The following NR2F1-AS1 variants were observed in gnomAD, a reference collection of about 807,000 sequenced individuals.
NR2F1-AS1 encodes the protein NR2F1 antisense RNA 1.
chr5:93,470,679 C>T (rs544013121), intron 4 of NR2F1-AS1, among the ~76,000 whole-genome samples: 1 of 151,888 alleles, frequency 6.6e-6, no homozygotes, highest in African/African-American at 2.4e-5. Flanking sequence ...CTGTGTCTGA[C>T]ACTACTCATA....
chr5:93,553,109 C>T lies in NR2F1-AS1; in HGVS notation n.638+652G>A, dbSNP rs186249215. Among the ~76,000 whole-genome samples, 4 of 151,100 alleles carry T rather than the reference C, an allele frequency of 2.6e-5. No individual in the cohort carries two copies. The East Asian group carries it at 7.8e-4, about 29-fold the overall frequency. On this transcript the variant is annotated intron_variant and non_coding_transcript_variant, in intron 4 of 5. Transcript: ENST00000660523. ...GGAAGAGAATCTTTCCTGAAATTTC[C>T]TGATATCAGTAATACACTTTTTTTT...
In NR2F1-AS1 at chr5:93,579,595, C is replaced by T. The variant is rs1362244938; in HGVS notation, n.313+872G>A. On this transcript the variant is annotated intron_variant and non_coding_transcript_variant, in intron 1 of 5. Transcript: ENST00000660523. This position sits in a 1 kb window ranked among gnomAD's most constrained non-coding sequence, Gnocchi z 5.1. ...AAGGCCTCCTCGCTTCCGAGACCCCCCAGCCCCCGGGTGCAGTCCCCAGCA... is the reference window on the plus strand; with the variant it reads ...AAGGCCTCCTCGCTTCCGAGACCCCTCAGCCCCCGGGTGCAGTCCCCAGCA... 6.6e-6 allele frequency among the ~76,000 whole-genome samples: 1 copy of T among 152,124 alleles called. No homozygotes were observed. Among genetic ancestry groups the T allele is most frequent in the African/African-American group, 2.4e-5 (1 of 41,436 alleles).
rs879507931 is a variant in NR2F1-AS1, at chr5:93,521,020, T to C, written n.638+32741A>G. On this transcript the variant is annotated intron_variant and non_coding_transcript_variant, in intron 4 of 5. Transcript: ENST00000660523. ...CAACATGGTACTGGTTCAAAAAAAG[T>C]GCATAGACCAATGGAACAGAACAGA... 6.6e-5 allele frequency among the ~76,000 whole-genome samples: 10 copies of C among 152,166 alleles called. No homozygotes were observed. In the East Asian group the frequency reaches 1.9e-3, roughly 29 times the overall value.
chr5:93,444,500 C>G (rs1749649025), intron 4 of NR2F1-AS1, among the ~76,000 whole-genome samples: 1 of 152,182 alleles, frequency 6.6e-6, no homozygotes, highest in Admixed American at 6.5e-5. Context: ...GAAGCGCTAA[C>G]TATCCTAAAT....
chr5:93,424,234 C>G lies in NR2F1-AS1; in HGVS notation n.639-28692G>C, dbSNP rs952304778. On this transcript the variant is annotated intron_variant and non_coding_transcript_variant, in intron 4 of 5. Coordinates refer to ENST00000660523, the Ensembl canonical transcript of NR2F1-AS1. Reference sequence around the variant, plus strand: ...ACTTCAAAAATAATAAAGCCCAGACCCACGTCCAAATGCCTAGCACACCTG... The same window carrying G: ...ACTTCAAAAATAATAAAGCCCAGACGCACGTCCAAATGCCTAGCACACCTG... 2.6e-5 allele frequency among the ~76,000 whole-genome samples: 4 copies of G among 152,082 alleles called. No individual in the cohort carries two copies. The South Asian group carries it at 8.3e-4, about 32-fold the overall frequency.
intron 4 of NR2F1-AS1, among the ~76,000 whole-genome samples, chr5:93,501,327 T>A (rs1308122958): frequency 7.2e-6 from 1 of 138,228 alleles, no homozygotes; most frequent in Non-Finnish European, 1.5e-5. Context: ...TTTTTGTTGT[T>A]GTTGTTGTTG....
upstream of NR2F1-AS1, chr5:93,584,173 C>A (rs1174736640): frequency 6.7e-6 from 1 of 148,768 alleles, no homozygotes; most frequent in Non-Finnish European, 1.5e-5. Context: ...GGCGGCGCCG[C>A]GGGCGGCCCC....
intron 4 of NR2F1-AS1, among the ~76,000 whole-genome samples, chr5:93,529,951 C>T (rs1006718169): frequency 2.0e-5 from 3 of 151,636 alleles, no homozygotes; most frequent in Non-Finnish European, 2.9e-5. Flanking sequence ...ATGGCTCAAA[C>T]ATGTTGAATG....
chr5:93,451,318 T>C (rs1205305182), intron 4 of NR2F1-AS1, among the ~76,000 whole-genome samples: 1 of 143,546 alleles, frequency 7.0e-6, no homozygotes, highest in African/African-American at 2.8e-5. Flanking sequence ...AGTAGGGTTT[T>C]TGAAAAAAAA....
chr5:93,426,344 G>A (rs981750484), intron 4 of NR2F1-AS1, among the ~76,000 whole-genome samples: 5 of 151,994 alleles, frequency 3.3e-5, no homozygotes, highest in South Asian at 2.1e-4. Context: ...CACCATGCCC[G>A]GCCCACCTCA....
chr5:93,526,841 G>T (rs1282442058), intron 4 of NR2F1-AS1, among the ~76,000 whole-genome samples: 1 of 152,070 alleles, frequency 6.6e-6, no homozygotes, highest in African/African-American at 2.4e-5. Context: ...TTGATGGAAC[G>T]TATCTCAAAA....
chr5:93,456,070 A>G (rs1374607511), intron 4 of NR2F1-AS1, among the ~76,000 whole-genome samples: 1 of 152,216 alleles, frequency 6.6e-6, no homozygotes, highest in Non-Finnish European at 1.5e-5. Context: ...TCAACATTGT[A>G]CTGGAAATCC....
chr5:93,429,387 C>T (rs542890282), intron 4 of NR2F1-AS1, among the ~76,000 whole-genome samples: 1 of 152,246 alleles, frequency 6.6e-6, no homozygotes, highest in East Asian at 1.9e-4. Flanking sequence ...TTGTTCACTG[C>T]CATATTTGCA....
At position 93,527,111 on chromosome 5, in the gene NR2F1-AS1, C is replaced by T. The variant is rs1751634850; in HGVS notation, n.638+26650G>A. ...ATTTAGAAAACCTCATCATCTCAGC[C>T]CAAAATTCCCTTAAGCTGATAAGCA... On this transcript the variant is annotated intron_variant and non_coding_transcript_variant, in intron 4 of 5. Coordinates refer to ENST00000660523, the Ensembl canonical transcript of NR2F1-AS1. Among the ~76,000 whole-genome samples the T allele has an allele frequency of 3.3e-5, 5 of 152,234 alleles. No homozygotes were observed. In the South Asian group the frequency reaches 1.0e-3, roughly 32 times the overall value.
chr5:93,444,676 A>G (rs558008164), intron 4 of NR2F1-AS1, among the ~76,000 whole-genome samples: 5 of 152,326 alleles, frequency 3.3e-5, no homozygotes, highest in African/African-American at 1.2e-4. Flanking sequence ...CCAGGAATTG[A>G]ACTCAGCTCT....
rs1750582020 is a variant in NR2F1-AS1, at chr5:93,480,699, G to T, written n.638+73062C>A. 2.0e-5 allele frequency among the ~76,000 whole-genome samples: 3 copies of T among 151,836 alleles called. No individual in the cohort carries two copies. In the South Asian group the frequency reaches 6.2e-4, roughly 31 times the overall value. Reference sequence around the variant, plus strand: ...CAATAATTATAAATATATGTCAATGGGCACATAATGCATAAAGATACAATT... The same window carrying T: ...CAATAATTATAAATATATGTCAATGTGCACATAATGCATAAAGATACAATT... On this transcript the variant is annotated intron_variant and non_coding_transcript_variant, in intron 4 of 5. Coordinates refer to ENST00000660523, the Ensembl canonical transcript of NR2F1-AS1.
intron 1 of NR2F1-AS1, among the ~76,000 whole-genome samples, chr5:93,565,688 G>A (rs1226205312): frequency 6.6e-6 from 1 of 151,472 alleles, no homozygotes; most frequent in Non-Finnish European, 1.5e-5. Flanking sequence ...TAATCAAAAG[G>A]TAAAATAAAT....
At chr5:93,444,462 T>C (rs1749647812) in intron 4 of NR2F1-AS1, among the ~76,000 whole-genome samples, 1 of 152,220 alleles carries the variant, frequency 6.6e-6, no homozygotes, top group South Asian at 2.1e-4. Flanking sequence ...AAGGCCATTA[T>C]ATAATTGTAA....
chr5:93,545,064 T>C (rs1269090267), intron 4 of NR2F1-AS1: 1 of 152,076 alleles, frequency 6.6e-6, no homozygotes. Context: ...AAGAGATGGA[T>C]TGGATATTAA....
Sources: gnomAD v4.1 joint callset for allele counts (sites outside exome capture counted in the v4.1 genomes callset) on GRCh38, gnomAD v4.1.1 for gene constraint, Gnocchi (gnomAD v3.1) non-coding constraint, MANE v1.5 for transcripts, NCBI Gene and HGNC (gene_info 2026-07-23, HGNC 2026-07-21) for gene names.